The following WASHC5 variants were observed in gnomAD, a reference collection of about 807,000 sequenced individuals.
WASHC5 encodes the protein WASH complex subunit 5, also known as WASH complex subunit strumpellin.
In WASHC5, 101 loss-of-function variants were observed where a neutral mutation model predicts 150.4. The observed-to-expected ratio is 0.67, with a 90% CI of 0.57 to 0.79. The LOEUF is 0.79. Among genes scored for constraint, WASHC5 ranks in the 30% least tolerant of loss-of-function variants. The probability of loss-of-function intolerance (pLI) is 0.00; values close to 1 mark genes in which losing one functional copy is unlikely to be tolerated. For synonymous variants in WASHC5, 467 were observed against 491.2 expected, an observed-to-expected ratio of 0.95 and a Z score of 0.65; for missense variants, 1,195 against 1,396.3, an observed-to-expected ratio of 0.86 and a Z score of 2.30.
chr8:125,078,433 C>T (rs553716241), intron 6 of WASHC5, among the ~76,000 whole-genome samples: 1 of 152,268 alleles, frequency 6.6e-6, no homozygotes, highest in Admixed American at 6.5e-5. Flanking sequence ...GGTGATGGGT[C>T]CCCAGCATTG....
chr8:125,077,346 A>G (rs1817095533), intron 6 of WASHC5, among the ~76,000 whole-genome samples: 1 of 152,220 alleles, frequency 6.6e-6, no homozygotes, highest in African/African-American at 2.4e-5. Context: ...CTCGCCATAT[A>G]CATGGCAGAA....
chr8:125,047,735 A>T (rs1303607536), intron 19 of WASHC5, among the ~76,000 whole-genome samples: 1 of 151,902 alleles, frequency 6.6e-6, no homozygotes, highest in East Asian at 1.9e-4. Context: ...AGGTCTGGCT[A>T]ATTTTTGTGT....
At chr8:125,079,165 G>C (rs552370838) in intron 5 of WASHC5, among the ~76,000 whole-genome samples, 1 of 91,002 alleles carries the variant, frequency 1.1e-5, no homozygotes, top group African/African-American at 4.6e-5. Flanking sequence ...ATGGAGTCTC[G>C]CTATGTATGT....
intron 25 of WASHC5, among the ~76,000 whole-genome samples, chr8:125,038,262 T>C (rs1815776505): frequency 6.6e-6 from 1 of 152,196 alleles, no homozygotes; most frequent in Admixed American, 6.5e-5. Flanking sequence ...TAATCAAAGT[T>C]ACTATAATCA....
intron 15 of WASHC5, among the ~76,000 whole-genome samples, chr8:125,057,309 T>C (rs1816437786): frequency 6.6e-6 from 1 of 152,230 alleles, no homozygotes. Flanking sequence ...TTTCTACATC[T>C]ATAAAATAGA....
intron 9 of WASHC5, among the ~76,000 whole-genome samples, chr8:125,069,200 C>T (rs139740223): frequency 6.2e-4 from 95 of 152,284 alleles, no homozygotes; most frequent in African/African-American, 2.2e-3. Context: ...TAAAAGTGAG[C>T]TCTCTCTTGC....
intron 20 of WASHC5, among the ~76,000 whole-genome samples, chr8:125,045,501 A>C (rs1816038856): frequency 6.6e-6 from 1 of 152,230 alleles, no homozygotes; most frequent in Admixed American, 6.5e-5. Flanking sequence ...TCTGAAATAC[A>C]GATGCCCAGC....
intron 25 of WASHC5, among the ~76,000 whole-genome samples, chr8:125,037,723 G>A (rs1052764868): frequency 6.6e-6 from 1 of 151,926 alleles, no homozygotes; most frequent in Non-Finnish European, 1.5e-5. Flanking sequence ...AGAGAGAGAG[G>A]GAAAGAGGGA....
At chr8:125,032,747 T>G in intron 26 of WASHC5, 1 of 319,082 alleles carries the variant, frequency 3.1e-6, no homozygotes, top group South Asian at 2.8e-5. Context: ...AACGGCAGCA[T>G]GACATACTAG....
chr8:125,083,783 A>G lies in WASHC5; in HGVS notation c.116T>C (p.Val39Ala). 6.2e-7 allele frequency: 1 copy of G among 1,613,866 alleles called. No individual in the cohort carries two copies. Among genetic ancestry groups the G allele is most frequent in the Non-Finnish European group, 8.5e-7 (1 of 1,179,772 alleles). The change falls in exon 2 of 29, where the codon GTG (valine) becomes GCG (alanine). Residue 39 changes from valine to alanine, a missense_variant. Val to Ala is a moderately conservative substitution (Grantham distance 64). Around this residue, in one of 3 missense-constraint regions of WASHC5, gnomAD observed 195 missense variants for 206.9 expected, o/e 0.94. Transcript: ENST00000318410. ...ATCAGCTCTGTCTTTTAACCTGAAC[A>G]CAGCAGGAATAAACTCAGAGAGTCT... ...LLRLSEFIPA[V>A]FRLKDRADQQ...
At chr8:125,063,211 G>A (rs1003566242) in intron 11 of WASHC5, among the ~76,000 whole-genome samples, 1 of 152,098 alleles carries the variant, frequency 6.6e-6, no homozygotes, top group Non-Finnish European at 1.5e-5. Flanking sequence ...TGGAGATGGA[G>A]GCCAACTGTG....
intron 26 of WASHC5, 40 bp from the exon 27 acceptor site, chr8:125,032,434 C>T: frequency 1.2e-6 from 2 of 1,609,902 alleles, no homozygotes; most frequent in Non-Finnish European, 1.7e-6. Flanking sequence ...GAAGTACTTG[C>T]CTTCAGCAAC....
At chr8:125,037,588 C>T (rs146613985) in intron 25 of WASHC5, among the ~76,000 whole-genome samples, 2 of 152,042 alleles carry the variant, frequency 1.3e-5, no homozygotes, top group African/African-American at 4.8e-5. Context: ...CCCCTGAATC[C>T]TGTTAATGTC....
chr8:125,043,360 A>T (rs1815951866), intron 23 of WASHC5, among the ~76,000 whole-genome samples: 1 of 152,204 alleles, frequency 6.6e-6, no homozygotes. Flanking sequence ...CCAAAGTAAG[A>T]CTGCTTTCTG....
chr8:125,076,279 A>T, intron 7 of WASHC5, 69 bp downstream of exon 7: 1 of 1,459,746 alleles, frequency 6.9e-7, no homozygotes. Flanking sequence ...TGTGGGTTAA[A>T]GGCCAAAAGA....
chr8:125,077,303 G>A (rs1817092803), intron 6 of WASHC5, among the ~76,000 whole-genome samples: 1 of 152,228 alleles, frequency 6.6e-6, no homozygotes, highest in Non-Finnish European at 1.5e-5. Context: ...TCCCCTTGAT[G>A]TGTTGGCCCA....
intron 27 of WASHC5, among the ~76,000 whole-genome samples, chr8:125,030,187 A>T (rs1015817559): frequency 5.3e-5 from 8 of 152,204 alleles, no homozygotes; most frequent in Non-Finnish European, 1.2e-4. Context: ...CAATTGGGAC[A>T]GCCAGTTGTG....
At chr8:125,051,161 T>C (rs1330839779) in intron 17 of WASHC5, among the ~76,000 whole-genome samples, 1 of 152,210 alleles carries the variant, frequency 6.6e-6, no homozygotes, top group Non-Finnish European at 1.5e-5. Flanking sequence ...TAATTATCTT[T>C]TCTTTCAGCA....
chr8:125,084,855 T>TA (rs1817372304), intron 1 of WASHC5, among the ~76,000 whole-genome samples: 1 of 152,218 alleles, frequency 6.6e-6, no homozygotes, highest in African/African-American at 2.4e-5. Context: ...CCTAGCATCT[T>TA]AGAGTTTCTG....
Sources: gnomAD v4.1 joint callset for allele counts (sites outside exome capture counted in the v4.1 genomes callset) on GRCh38, gnomAD v4.1.1 for gene constraint, gnomAD v4.1.1 regional missense constraint, MANE v1.5 for transcripts, NCBI Gene and HGNC (gene_info 2026-07-23, HGNC 2026-07-21) for gene names.